LIPC: variants seen among roughly 807,000 people sequenced by gnomAD.
The protein encoded by LIPC is lipase C, hepatic type.
LIPC carries 44 observed loss-of-function variants against 50.7 expected under a neutral mutation model. That is an observed-to-expected ratio of 0.87 (90% CI 0.68 to 1.11). The LOEUF is 1.11. Among genes scored for constraint, LIPC ranks in the 50% most tolerant of loss-of-function variants. The pLI is 0.00. For synonymous variants in LIPC, 271 were observed against 256.4 expected (o/e 1.06, Z -0.54); for missense variants, 697 against 648.2 (o/e 1.08, Z -0.82).
At chr15:58,452,472 A>G (rs1893937249) in intron 1 of LIPC, among the ~76,000 whole-genome samples, 1 of 152,198 alleles carries the variant, frequency 6.6e-6, no homozygotes, top group South Asian at 2.1e-4. Context: ...CTCCCATTCC[A>G]GCCTTCAGCC....
At chr15:58,542,487 C>T in intron 3 of LIPC, 47 bp from the exon 4 acceptor site, 4 of 1,277,350 alleles carry the variant, frequency 3.1e-6, no homozygotes, top group Non-Finnish European at 4.6e-6. Context: ...AAAAGGCTTT[C>T]ATCCAGGCAG....
At chr15:58,507,675 C>T (rs1041204014) in intron 1 of LIPC, among the ~76,000 whole-genome samples, 1 of 152,216 alleles carries the variant, frequency 6.6e-6, no homozygotes, top group Non-Finnish European at 1.5e-5. Context: ...TTCCATACTC[C>T]ACCAGGCACT....
chr15:58,550,122 C>T (rs1204061295), intron 6 of LIPC, among the ~76,000 whole-genome samples: 1 of 152,166 alleles, frequency 6.6e-6, no homozygotes, highest in Non-Finnish European at 1.5e-5. Flanking sequence ...TCTTGGCAGA[C>T]CTGGCATTTA....
chr15:58,529,965 T>G (rs1892908886), intron 1 of LIPC, among the ~76,000 whole-genome samples: 1 of 152,254 alleles, frequency 6.6e-6, no homozygotes, highest in Non-Finnish European at 1.5e-5. Flanking sequence ...ACAGGACAAC[T>G]GAATGTTGAC....
chr15:58,439,279 T>A (rs143910719), intron 1 of LIPC, among the ~76,000 whole-genome samples: 6 of 152,330 alleles, frequency 3.9e-5, no homozygotes, highest in African/African-American at 1.4e-4. Context: ...TTTTGTCTCT[T>A]CCCCTCTTTA....
At chr15:58,494,524 G>T (rs1891700431) in intron 1 of LIPC, among the ~76,000 whole-genome samples, 1 of 152,236 alleles carries the variant, frequency 6.6e-6, no homozygotes, top group African/African-American at 2.4e-5. Context: ...AAAGTGCATT[G>T]AACAAAGGGA....
intron 1 of LIPC, among the ~76,000 whole-genome samples, chr15:58,520,114 T>G (rs1446028143): frequency 7.1e-6 from 1 of 139,872 alleles, no homozygotes; most frequent in African/African-American, 2.6e-5. Flanking sequence ...TTTGGGCTGT[T>G]TTTTTTTTGT....
intron 1 of LIPC, among the ~76,000 whole-genome samples, chr15:58,537,738 C>A (rs1366577953): frequency 1.3e-5 from 2 of 152,164 alleles, no homozygotes; most frequent in Non-Finnish European, 2.9e-5. Context: ...CTGAATGCCA[C>A]ACCCTCCCTC....
intron 1 of LIPC, among the ~76,000 whole-genome samples, chr15:58,450,872 G>A (rs895109): frequency 1.3e-5 from 2 of 152,214 alleles, no homozygotes; most frequent in African/African-American, 4.8e-5. Context: ...TGGGCCCAGG[G>A]CAATAAAGGG....
intron 1 of LIPC, among the ~76,000 whole-genome samples, chr15:58,497,251 C>A (rs1891805620): frequency 6.6e-6 from 1 of 152,156 alleles, no homozygotes; most frequent in Admixed American, 6.5e-5. Context: ...AAATGGCTCC[C>A]CCGTCAGAGC....
intron 1 of LIPC, among the ~76,000 whole-genome samples, chr15:58,525,022 A>AT (rs11413411): frequency 0.035 from 5,255 of 151,774 alleles, 319 homozygotes; most frequent in African/African-American, 0.12. Context: ...ATTAGCCCAT[A>AT]TTTTTTTTCT....
intron 1 of LIPC, among the ~76,000 whole-genome samples, chr15:58,512,863 T>C (rs1236308704): frequency 6.6e-6 from 1 of 151,494 alleles, no homozygotes; most frequent in Non-Finnish European, 1.5e-5. Flanking sequence ...AATGATGACC[T>C]ATGACAACGA....
rs759309425 is a variant in LIPC, at chr15:58,568,737, C to T, written c.1410C>T (p.Asn470=). The change falls in exon 9 of 9, where the codon AAC becomes AAT. Residue 470 remains asparagine, a synonymous_variant. Transcript: ENST00000299022. ...TCAGAATGACATTTTGTTCAGAAAA[C>T]ACAGATGACCTACTACTTCGCCCAA... ...TQQRMTFCSE[N]TDDLLLRPTQ... 6.2e-7 allele frequency: 1 copy of T among 1,607,434 alleles called. No homozygotes were observed. Among genetic ancestry groups the T allele is most frequent in the Non-Finnish European group, 8.5e-7 (1 of 1,174,356 alleles).
chr15:58,529,754 G>C (rs1892902385), intron 1 of LIPC, among the ~76,000 whole-genome samples: 1 of 152,150 alleles, frequency 6.6e-6, no homozygotes, highest in Admixed American at 6.5e-5. Flanking sequence ...AATGTCAGGA[G>C]AGCCCAGAGT....
At chr15:58,510,504 T>C (rs564043904) in intron 1 of LIPC, among the ~76,000 whole-genome samples, 1 of 152,330 alleles carries the variant, frequency 6.6e-6, no homozygotes, top group South Asian at 2.1e-4. Context: ...TCTTACAAAG[T>C]AACAAAAAGT....
chr15:58,510,822 A>G (rs1033615032), intron 1 of LIPC, among the ~76,000 whole-genome samples: 5 of 152,280 alleles, frequency 3.3e-5, no homozygotes, highest in Non-Finnish European at 7.3e-5. Flanking sequence ...TAAGCAAAAC[A>G]TAAGATCATA....
intron 1 of LIPC, chr15:58,454,309 T>C (rs1894029371): frequency 6.6e-6 from 1 of 152,266 alleles, no homozygotes; most frequent in Non-Finnish European, 1.5e-5. Flanking sequence ...GTTCTGGTCA[T>C]GCCCAGTCAC....
At chr15:58,550,964 G>A (rs746657150) in intron 6 of LIPC, among the ~76,000 whole-genome samples, 5 of 149,068 alleles carry the variant, frequency 3.4e-5, no homozygotes, top group Admixed American at 6.6e-5. Context: ...AGCCTCCTAA[G>A]TAGCTGGGAT....
At chr15:58,493,767 ATT>A (rs761013979) in intron 1 of LIPC, among the ~76,000 whole-genome samples, 1 of 148,870 alleles carries the variant, frequency 6.7e-6, no homozygotes, top group Non-Finnish European at 1.5e-5. Context: ...ATATTTATAT[ATT>A]TGAATATATA....
Sources: gnomAD v4.1 joint callset for allele counts (sites outside exome capture counted in the v4.1 genomes callset) on GRCh38, gnomAD v4.1.1 for gene constraint, MANE v1.5 for transcripts, NCBI Gene and HGNC (gene_info 2026-07-23, HGNC 2026-07-21) for gene names.